Variants in TRIM37 observed in about 807,000 individuals in gnomAD.
TRIM37 encodes the protein tripartite motif containing 37.
A neutral mutation model predicts 129.8 loss-of-function variants in TRIM37; 80 were observed. The observed-to-expected ratio is 0.62, with a 90% confidence interval of 0.51 to 0.74. The LOEUF (loss-of-function observed/expected upper bound fraction) is 0.74. Among genes scored for constraint, TRIM37 ranks in the 30% least tolerant of loss-of-function variants. The pLI is 0.00. For missense variants in TRIM37, 1,054 were observed against 1,176.5 expected, an observed-to-expected ratio of 0.90 and a Z score of 1.52; for synonymous variants, 389 against 387.1, an observed-to-expected ratio of 1.00 and a Z score of -0.06.
chr17:59,083,443 A>T, intron 5 of TRIM37, among the ~76,000 whole-genome samples: 1 of 152,128 alleles, frequency 6.6e-6, no homozygotes, highest in Admixed American at 6.5e-5. Context: ...TCAAAAAAAA[A>T]AAAAAAGTAT....
chr17:59,019,987 T>C (rs966829526), intron 19 of TRIM37, among the ~76,000 whole-genome samples: 2 of 151,994 alleles, frequency 1.3e-5, no homozygotes, highest in African/African-American at 4.8e-5. Context: ...TCCCAGCACT[T>C]CAGGAGGCCA....
At chr17:59,082,939 G>C (rs1417118867) in intron 5 of TRIM37, among the ~76,000 whole-genome samples, 1 of 152,056 alleles carries the variant, frequency 6.6e-6, no homozygotes, top group Non-Finnish European at 1.5e-5. Flanking sequence ...GCTCTGAATT[G>C]AGCTCTACTC....
chr17:59,066,139 T>G, intron 9 of TRIM37, among the ~76,000 whole-genome samples: 1 of 152,170 alleles, frequency 6.6e-6, no homozygotes, highest in East Asian at 1.9e-4. Context: ...CTCCTAGCAC[T>G]CAACATACAC....
At position 59,028,454 on chromosome 17, in the gene TRIM37, G is replaced by T. The variant is rs767233614; in HGVS notation, c.2218C>A (p.Leu740Met). ...GRLQDLGMEL[L>M]AKSSVANCYI... ...CAATTGGCAACTGATGACTTTGCCA[G>T]GAGTTCCATTCCCAAATCCTGCAAT... Residue 740 changes from leucine to methionine, a missense_variant, in exon 19 of 24, where the codon CTG becomes ATG. This residue lies in a region of TRIM37 where 15 missense variants were observed against 31.4 expected (regional missense o/e 0.48). Coordinates refer to ENST00000262294, the MANE Select transcript of TRIM37 (RefSeq NM_015294.6). The T allele has an allele frequency of 6.2e-7, 1 of 1,613,890 alleles. No individual in the cohort carries two copies. The highest frequency in any genetic ancestry group is 8.5e-7 in the Non-Finnish European group (1 of 1,180,024).
At chr17:59,008,204 AG>A (rs1424634204) in intron 22 of TRIM37, among the ~76,000 whole-genome samples, 1 of 152,174 alleles carries the variant, frequency 6.6e-6, no homozygotes, top group Non-Finnish European at 1.5e-5. Context: ...GGGACTCTGG[AG>A]GTAAACAAGC....
At chr17:58,970,783 G>C in the TRIM37 span, among the ~76,000 whole-genome samples, 1 of 152,112 alleles carries the variant, frequency 6.6e-6, no homozygotes, top group South Asian at 2.1e-4. Context: ...CCAGTCTCTT[G>C]AGGACCTGCA....
In TRIM37 at chr17:59,061,061, C is replaced by T. The variant is rs2041447507; in HGVS notation, c.990G>A (p.Glu330=). ...AAGTTTCAGGCAAGCCAGCTGAGAG[C>T]TCCAGAAACACAGATAAGTAGTAAC... ...VRGYYLSVFL[E]LSAGLPETSK... Residue 330 remains glutamate, a synonymous_variant, in exon 12 of 24, where the codon GAG becomes GAA. Transcript: ENST00000262294. 3 of 1,613,604 alleles carry T rather than the reference C, an allele frequency of 1.9e-6. No homozygotes were observed. The highest frequency in any genetic ancestry group is 2.5e-6 in the Non-Finnish European group (3 of 1,179,726).
In TRIM37 at chr17:59,070,820, T is replaced by C; in HGVS notation, c.809+3A>G. 1 of 1,613,822 alleles carries C rather than the reference T, an allele frequency of 6.2e-7. No homozygotes were observed. The highest frequency in any genetic ancestry group is 8.5e-7 in the Non-Finnish European group (1 of 1,179,830). ...GAAAATGAAATTAAAAACTGTGTCA[T>C]ACCTGGTAAAGTCTGGTGGAACAGG... On this transcript the variant is annotated splice_donor_region_variant and intron_variant, in intron 9 of 23. Coordinates refer to ENST00000262294, the MANE Select transcript of TRIM37 (RefSeq NM_015294.6).
rs748987836 is a variant in TRIM37, at chr17:59,041,833, G to T, written c.1733C>A (p.Ala578Glu). ...ATTACCTGCGGGTCCTGCAGCAGCTGCATCTTCCATGAGTTCTCCCTCTTC... is the reference window on the plus strand; with the variant it reads ...ATTACCTGCGGGTCCTGCAGCAGCTTCATCTTCCATGAGTTCTCCCTCTTC... The part of the protein sequence containing the change: ...ELEEGELMED[A>E]AAAGPAGSSH... The change falls in exon 17 of 24, where the codon GCA becomes GAA. Residue 578 changes from alanine to glutamate, a missense_variant. Physicochemically the swap from Ala to Glu is moderately radical, Grantham distance 107. Around this residue, in one of 3 missense-constraint regions of TRIM37, gnomAD observed 752 missense variants for 870.8 expected, o/e 0.86. Coordinates refer to ENST00000262294, the MANE Select transcript of TRIM37 (RefSeq NM_015294.6). The T allele has an allele frequency of 1.2e-6, 2 of 1,613,612 alleles. No homozygotes were observed. The highest frequency in any genetic ancestry group is 3.3e-5 in the Admixed American group (2 of 60,010).
At chr17:59,070,605 G>C (rs928056222) in intron 9 of TRIM37, among the ~76,000 whole-genome samples, 2 of 151,984 alleles carry the variant, frequency 1.3e-5, no homozygotes, top group African/African-American at 4.8e-5. Context: ...GCCAAGTGTG[G>C]TGGCTCATGT....
rs1488498312 is a variant in TRIM37 at position 59,091,346 on chromosome 17, G to A, written c.124-6C>T. 13 of 1,538,312 alleles carry A rather than the reference G, an allele frequency of 8.5e-6. No individual in the cohort carries two copies. The South Asian group carries it at 1.4e-4, about 17-fold the overall frequency. ...CTCTGCTCTGTCAGCCAGCGCTAAGGGGGCAAAAGATTAGATATCGATTAG... is the reference window on the plus strand; with the variant it reads ...CTCTGCTCTGTCAGCCAGCGCTAAGAGGGCAAAAGATTAGATATCGATTAG... On this transcript the variant is annotated splice_polypyrimidine_tract_variant and splice_region_variant and intron_variant, in intron 2 of 23. Transcript: ENST00000262294.
intron 4 of TRIM37, among the ~76,000 whole-genome samples, chr17:59,084,313 G>A (rs2043563215): frequency 6.6e-6 from 1 of 152,090 alleles, no homozygotes; most frequent in Non-Finnish European, 1.5e-5. Flanking sequence ...AATCACATGC[G>A]AAATACAGAT....
chr17:58,968,666 C>T, the TRIM37 span, among the ~76,000 whole-genome samples: 2 of 152,174 alleles, frequency 1.3e-5, no homozygotes, highest in East Asian at 1.9e-4. Context: ...GCTCAGGACT[C>T]AGTGCGAGTT....
rs1199932106 is a variant in TRIM37 at position 59,033,578 on chromosome 17, GCAC to G, written c.1754-1491_1754-1489del. On this transcript the variant is annotated intron_variant, in intron 17 of 23. Coordinates refer to ENST00000262294, the MANE Select transcript of TRIM37 (RefSeq NM_015294.6). ...CTCCCGTAGTGGGGACTACAGGCAT[GCAC>G]CACCACACCTGTATTTTCAGTAGAT... is the stretch of plus-strand genomic sequence containing the variant. Among the ~76,000 whole-genome samples, 14 of 152,070 alleles carry G rather than the reference GCAC, an allele frequency of 9.2e-5. 1 individual carries two copies. The East Asian group carries it at 2.0e-3, about 21-fold the overall frequency.
downstream of TRIM37, among the ~76,000 whole-genome samples, chr17:58,997,604 T>C (rs1349875756): frequency 6.6e-6 from 1 of 152,120 alleles, no homozygotes; most frequent in Non-Finnish European, 1.5e-5. Flanking sequence ...AATGTATCTC[T>C]AGCCCTAAGA....
At chr17:59,061,196 G>T in intron 11 of TRIM37, 88 bp from the exon 12 acceptor site, 1 of 989,106 alleles carries the variant, frequency 1.0e-6, no homozygotes, top group Non-Finnish European at 1.6e-6. Context: ...AGATTGAGAA[G>T]TACTTCTAAG....
intron 13 of TRIM37, among the ~76,000 whole-genome samples, chr17:59,054,713 G>C (rs2040670102): frequency 6.6e-6 from 1 of 152,074 alleles, no homozygotes; most frequent in Non-Finnish European, 1.5e-5. Context: ...CGCCCAGGCT[G>C]GGGTGCAGTG....
chr17:59,099,444 T>C (rs1378226663), intron 2 of TRIM37, among the ~76,000 whole-genome samples: 7 of 152,022 alleles, frequency 4.6e-5, no homozygotes, highest in Admixed American at 4.6e-4. Context: ...ATGAAAGATT[T>C]TGGAAATAGT....
chr17:59,082,064 G>C (rs1453461801), intron 5 of TRIM37, among the ~76,000 whole-genome samples: 1 of 151,138 alleles, frequency 6.6e-6, no homozygotes, highest in African/African-American at 2.4e-5. Flanking sequence ...GAGGTCAGGA[G>C]TTCGAGACCA....
Sources: gnomAD v4.1 joint callset for allele counts (sites outside exome capture counted in the v4.1 genomes callset) on GRCh38, gnomAD v4.1.1 for gene constraint, gnomAD v4.1.1 regional missense constraint, MANE v1.5 for transcripts, NCBI Gene and HGNC (gene_info 2026-07-23, HGNC 2026-07-21) for gene names.